BAIAP2: variants seen among roughly 807,000 people sequenced by gnomAD.
BAIAP2 encodes BAR/IMD domain containing adaptor protein 2, also known as BAR/IMD domain-containing adapter protein 2.
BAIAP2 carries 18 observed loss-of-function variants against 63.0 expected under a neutral mutation model. The observed-to-expected ratio is 0.29, with a 90% CI of 0.20 to 0.42. BAIAP2 has a LOEUF of 0.42. Among genes scored for constraint, BAIAP2 ranks in the 10% least tolerant of loss-of-function variants. BAIAP2 has a pLI of 1.00. For synonymous variants in BAIAP2, 386 were observed against 307.6 expected (o/e 1.25, Z -2.67); for missense variants, 610 against 734.3 (o/e 0.83, Z 1.96).
At chr17:81,049,234 A>G (rs950950641) in intron 1 of BAIAP2, among the ~76,000 whole-genome samples, 10 of 152,048 alleles carry the variant, frequency 6.6e-5, no homozygotes, top group African/African-American at 2.4e-4. Context: ...GCAGGGGGGC[A>G]TGGGGTCACA....
intron 3 of BAIAP2, among the ~76,000 whole-genome samples, chr17:81,072,896 T>A (rs1383961812): frequency 6.6e-6 from 1 of 151,986 alleles, no homozygotes; most frequent in East Asian, 1.9e-4. Flanking sequence ...TCATTGTCTG[T>A]GGTCATGAGC....
At chr17:81,040,966 G>A (rs571304240) in intron 1 of BAIAP2, among the ~76,000 whole-genome samples, 1 of 152,222 alleles carries the variant, frequency 6.6e-6, no homozygotes, top group South Asian at 2.1e-4. Flanking sequence ...ATGCTGTGCT[G>A]AGGAGTCCCC....
intron 6 of BAIAP2, among the ~76,000 whole-genome samples, chr17:81,089,221 T>TGGG (rs1156870768): frequency 1.3e-5 from 2 of 152,238 alleles, no homozygotes; most frequent in Non-Finnish European, 2.9e-5. Context: ...TGAGGTCTGT[T>TGGG]GGGGGACCAT....
At chr17:81,065,520 T>C (rs750457885) in intron 3 of BAIAP2, among the ~76,000 whole-genome samples, 2 of 152,160 alleles carry the variant, frequency 1.3e-5, no homozygotes, top group Non-Finnish European at 2.9e-5. Context: ...GCACTGGTTC[T>C]TTGTGCGGGT....
In BAIAP2 at chr17:81,106,779, C is replaced by T. The variant is rs1193077669; in HGVS notation, c.1372C>T (p.Leu458Phe). ...AGGGAAGAGCAGCAGCACGGGCAACCTCCTGGACAAGGACGACCTGGCCAT... is the reference window on the plus strand; with the variant it reads ...AGGGAAGAGCAGCAGCACGGGCAACTTCCTGGACAAGGACGACCTGGCCAT... The part of the protein sequence containing the change: ...QQGKSSSTGN[L>F]LDKDDLAIPP... Residue 458 changes from leucine to phenylalanine, a missense_variant, in exon 12 of 14, where the codon CTC becomes TTC. By Grantham distance (22) the Leu-to-Phe change is conservative. Transcript: ENST00000428708. 3.7e-6 allele frequency: 6 copies of T among 1,612,490 alleles called. No individual in the cohort carries two copies. The highest frequency in any genetic ancestry group is 1.7e-5 in the Admixed American group (1 of 59,994).
At chr17:81,054,491 T>C (rs529566713) in intron 2 of BAIAP2, among the ~76,000 whole-genome samples, 4 of 152,176 alleles carry the variant, frequency 2.6e-5, no homozygotes, top group Non-Finnish European at 5.9e-5. Context: ...CTGGGTCTGC[T>C]GTCACTGTGG....
chr17:81,111,071 C>A, intron 13 of BAIAP2: 1 of 1,327,300 alleles, frequency 7.5e-7, no homozygotes, highest in Non-Finnish European at 1.1e-6. Context: ...CATGGCGGGG[C>A]CAGGGGTCCA....
At chr17:81,042,743 G>A (rs1366372974) in intron 1 of BAIAP2, among the ~76,000 whole-genome samples, 3 of 152,114 alleles carry the variant, frequency 2.0e-5, no homozygotes, top group Non-Finnish European at 4.4e-5. Flanking sequence ...GTGGGGGAGA[G>A]GGTGTCCCCT....
chr17:81,115,597 G>A (rs905013817), intron 13 of BAIAP2, among the ~76,000 whole-genome samples, 173 bp from the exon 14 acceptor site: 1 of 152,210 alleles, frequency 6.6e-6, no homozygotes, highest in Non-Finnish European at 1.5e-5. Context: ...TGCAGACAGC[G>A]CCTGGTCCTC....
intron 7 of BAIAP2, among the ~76,000 whole-genome samples, chr17:81,101,037 G>A (rs527995843): frequency 3.3e-5 from 5 of 152,180 alleles, no homozygotes; most frequent in Admixed American, 2.0e-4. Context: ...TGTGTTTCCC[G>A]CTAGGCGTCC....
intron 10 of BAIAP2, 30 bp from the exon 11 acceptor site, chr17:81,106,048 C>T (rs750689359): frequency 7.7e-6 from 12 of 1,554,656 alleles, no homozygotes; most frequent in South Asian, 2.4e-5. Context: ...CTGGGCTGAG[C>T]GTGGCTCTTA....
In BAIAP2 at chr17:81,086,385, G is replaced by T. The variant is rs953405967; in HGVS notation, c.352-58G>T. 12 of 1,592,336 alleles carry T rather than the reference G, an allele frequency of 7.5e-6. No homozygotes were observed. In the African/African-American group the frequency reaches 1.5e-4, roughly 20 times the overall value. ...ATGGGCCTCGGTTTTGCTGCCAGTG[G>T]TCCGCGCTGCGTTGGGTTCATGGGC... On this transcript the variant is annotated intron_variant, in intron 5 of 13. Transcript: ENST00000428708.
chr17:81,087,085 GTGTGTACACCAGAACCTGGA>G (rs2055799288), intron 6 of BAIAP2: 1 of 163,796 alleles, frequency 6.1e-6, no homozygotes, highest in African/African-American at 2.4e-5. Context: ...ACGGCCTGAT[GTGTGTACACCAGAACCTGGA>G]TGGTGGCTGA....
At chr17:81,106,661 G>A in intron 11 of BAIAP2, 84 bp from the exon 12 acceptor site, 2 of 1,534,322 alleles carry the variant, frequency 1.3e-6, no homozygotes, top group East Asian at 2.3e-5. Context: ...CTAGGTGAGG[G>A]CGGGCAGTCC....
At chr17:81,066,909 C>T (rs548027200) in intron 3 of BAIAP2, among the ~76,000 whole-genome samples, 44 of 152,368 alleles carry the variant, frequency 2.9e-4, no homozygotes, top group East Asian at 9.6e-4. Context: ...GGCATGACAC[C>T]TGCTTTCAGG....
chr17:81,065,990 A>G (rs1005276789), intron 3 of BAIAP2, among the ~76,000 whole-genome samples: 4 of 152,184 alleles, frequency 2.6e-5, no homozygotes, highest in Non-Finnish European at 4.4e-5. Context: ...AGAGCACTGC[A>G]CTTCCTTTGT....
At chr17:81,059,927 C>A (rs546188245) in intron 3 of BAIAP2, among the ~76,000 whole-genome samples, 1 of 152,124 alleles carries the variant, frequency 6.6e-6, no homozygotes, top group Admixed American at 6.5e-5. Flanking sequence ...TTCCTGTTGG[C>A]GGAGTCCCTG....
intron 6 of BAIAP2, among the ~76,000 whole-genome samples, chr17:81,088,470 A>C (rs1451905817): frequency 6.6e-6 from 1 of 152,212 alleles, no homozygotes; most frequent in Non-Finnish European, 1.5e-5. Flanking sequence ...CTGTGTGTCC[A>C]TCACTCAGTC....
chr17:81,110,115 T>G (rs1296153235), intron 13 of BAIAP2: 1 of 985,224 alleles, frequency 1.0e-6, no homozygotes, highest in Non-Finnish European at 1.2e-6. Flanking sequence ...CGGCTCAGCC[T>G]GCCCGCTGGT....
Sources: gnomAD v4.1 joint callset for allele counts (sites outside exome capture counted in the v4.1 genomes callset) on GRCh38, gnomAD v4.1.1 for gene constraint, MANE v1.5 for transcripts, NCBI Gene and HGNC (gene_info 2026-07-23, HGNC 2026-07-21) for gene names.